Variants in LOC128462377 observed in about 807,000 individuals in gnomAD.
At chr16:89,341,979 G>A in the LOC128462377 span, among the ~76,000 whole-genome samples, 2 of 149,566 alleles carry the variant, frequency 1.3e-5, no homozygotes, top group Non-Finnish European at 3.0e-5. Context: ...CAGGAGTGCT[G>A]CACCTCCACC....
At chr16:89,348,986 G>A in the LOC128462377 span, among the ~76,000 whole-genome samples, 2 of 151,124 alleles carry the variant, frequency 1.3e-5, no homozygotes, top group African/African-American at 2.4e-5. Flanking sequence ...AAACTAGCCA[G>A]GAGTAGTAGA....
At chr16:89,411,234 AC>A in the LOC128462377 span, among the ~76,000 whole-genome samples, 1 of 152,198 alleles carries the variant, frequency 6.6e-6, no homozygotes, top group East Asian at 1.9e-4. Flanking sequence ...TGGTGCCACC[AC>A]GGGGGCCCAG....
the LOC128462377 span, chr16:89,396,014 C>G: frequency 2.6e-5 from 4 of 152,148 alleles, no homozygotes; most frequent in African/African-American, 9.7e-5. Context: ...AATGACCGAC[C>G]GACATGCAAA....
chr16:89,405,173 G>A, the LOC128462377 span, among the ~76,000 whole-genome samples: 2 of 151,868 alleles, frequency 1.3e-5, no homozygotes, highest in Non-Finnish European at 2.9e-5. Context: ...CAGCCTGGGC[G>A]ACAGAGCAAG....
chr16:89,381,331 CAAAAAAAAAA>C, the LOC128462377 span, among the ~76,000 whole-genome samples: 11 of 76,364 alleles, frequency 1.4e-4, no homozygotes, highest in African/African-American at 5.7e-4. Flanking sequence ...GACTCTGCTG[CAAAAAAAAAA>C]AAAAAAAAAA....
the LOC128462377 span, among the ~76,000 whole-genome samples, chr16:89,368,371 GTTTTTTTTTTTTTTTTTTTTT>G: frequency 1.8e-5 from 1 of 56,612 alleles, no homozygotes; most frequent in Non-Finnish European, 3.7e-5. Flanking sequence ...TAATTTTTGT[GTTTTTTTTTTTTTTTTTTTTT>G]TTTTTTTTTT....
the LOC128462377 span, chr16:89,323,192 G>A: frequency 1.4e-6 from 1 of 691,140 alleles, no homozygotes; most frequent in Non-Finnish European, 2.2e-6. Context: ...ACACCTCACA[G>A]GGAGAGAAGT....
the LOC128462377 span, among the ~76,000 whole-genome samples, chr16:89,355,317 A>G: frequency 1.3e-5 from 2 of 152,120 alleles, no homozygotes; most frequent in Non-Finnish European, 2.9e-5. Context: ...CGGCTCACAC[A>G]GACCCACAAG....
the LOC128462377 span, among the ~76,000 whole-genome samples, chr16:89,397,537 G>A: frequency 2.0e-5 from 3 of 152,224 alleles, no homozygotes; most frequent in Non-Finnish European, 1.5e-5. Context: ...GTCCCTGACG[G>A]GGAAGGGTTG....
the LOC128462377 span, among the ~76,000 whole-genome samples, chr16:89,398,657 G>GT: frequency 4.6e-5 from 7 of 152,154 alleles, no homozygotes; most frequent in Admixed American, 2.0e-4. Context: ...CAGGAGGAAG[G>GT]TTTGAGCCCG....
chr16:89,404,089 A>C, the LOC128462377 span, among the ~76,000 whole-genome samples: 1 of 152,232 alleles, frequency 6.6e-6, no homozygotes, highest in South Asian at 2.1e-4. Context: ...TGCATCACAT[A>C]AGCTGCTAGC....
chr16:89,366,764 G>A, the LOC128462377 span, among the ~76,000 whole-genome samples: 16 of 152,266 alleles, frequency 1.1e-4, no homozygotes, highest in South Asian at 3.3e-3. Flanking sequence ...GTGTGCTATG[G>A]GTACACCAAG....
chr16:89,338,926 T>C, the LOC128462377 span, among the ~76,000 whole-genome samples: 1 of 152,020 alleles, frequency 6.6e-6, no homozygotes, highest in Non-Finnish European at 1.5e-5. Context: ...CAGATATAAA[T>C]GCGTAATTTA....
chr16:89,415,829 C>CAAA, the LOC128462377 span, among the ~76,000 whole-genome samples: 631 of 39,694 alleles, frequency 0.016, 35 homozygotes, highest in Middle Eastern at 0.023. Context: ...GACTCTGTCT[C>CAAA]AAAAAAAAAA....
chr16:89,391,663 G>C, the LOC128462377 span, among the ~76,000 whole-genome samples: 2 of 152,172 alleles, frequency 1.3e-5, no homozygotes, highest in African/African-American at 4.8e-5. Context: ...ACTCAGTAAT[G>C]ATTTTAATAC....
the LOC128462377 span, among the ~76,000 whole-genome samples, chr16:89,415,359 G>C: frequency 6.8e-6 from 1 of 147,256 alleles, no homozygotes; most frequent in Non-Finnish European, 1.5e-5. Flanking sequence ...CCGCCTCCCA[G>C]GTTCACGCCA....
the LOC128462377 span, among the ~76,000 whole-genome samples, chr16:89,334,194 G>GA: frequency 1.1e-5 from 1 of 90,302 alleles, no homozygotes; most frequent in Non-Finnish European, 2.3e-5. Flanking sequence ...GAGAAAGAAA[G>GA]AAAAAACACT....
the LOC128462377 span, among the ~76,000 whole-genome samples, chr16:89,392,016 C>A: frequency 1.3e-5 from 2 of 152,200 alleles, no homozygotes; most frequent in African/African-American, 4.8e-5. Context: ...CCACAAATTA[C>A]TTCCTCCTTC....
the LOC128462377 span, among the ~76,000 whole-genome samples, chr16:89,411,575 G>C: frequency 3.3e-5 from 5 of 152,018 alleles, no homozygotes; most frequent in African/African-American, 1.2e-4. Context: ...AACCACGCCT[G>C]GCTAATTTTT....
Sources: allele counts gnomAD v4.1 joint callset (sites outside exome capture counted in the v4.1 genomes callset), GRCh38; gene constraint gnomAD v4.1.1; transcripts MANE v1.5.